SUV39H2: variants seen among roughly 807,000 people sequenced by gnomAD.
SUV39H2 encodes SUV39H2 histone lysine methyltransferase, also known as histone-lysine N-methyltransferase SUV39H2.
SUV39H2 carries 10 observed loss-of-function variants against 47.5 expected under a neutral mutation model. The observed-to-expected ratio is 0.21, with a 90% CI of 0.13 to 0.36. SUV39H2 has a LOEUF of 0.36. SUV39H2 is among the 10% of genes least tolerant of loss of function. The pLI is 1.00. For missense variants in SUV39H2, 266 were observed against 487.4 expected (o/e 0.55, Z 4.28); for synonymous variants, 159 against 166.8 (o/e 0.95, Z 0.36).
At chr10:14,880,281 C>T (rs1489678179) in intron 1 of SUV39H2, among the ~76,000 whole-genome samples, 3 of 152,126 alleles carry the variant, frequency 2.0e-5, no homozygotes, top group African/African-American at 7.2e-5. Flanking sequence ...TTAAGGGTTT[C>T]TGACAATGAA....
In SUV39H2 at chr10:14,879,587, TTGGGCACCGGGGAAC is replaced by T. The variant is rs1181534264; in HGVS notation, c.31+678_31+692del. Among the ~76,000 whole-genome samples, 6 of 152,030 alleles carry T rather than the reference TTGGGCACCGGGGAAC, an allele frequency of 3.9e-5. No individual in the cohort carries two copies. The East Asian group carries it at 5.8e-4, about 15-fold the overall frequency. On this transcript the variant is annotated intron_variant, in intron 1 of 5. Transcript: ENST00000354919. ...TGTTATTTCTGTGGACGCTGGGGAA[TTGGGCACCGGGGAAC>T]TGGGCACCGAGCGCGCGTGGGTGTG...
intron 2 of SUV39H2, among the ~76,000 whole-genome samples, chr10:14,896,005 G>T (rs1159867195): frequency 6.6e-6 from 1 of 150,934 alleles, no homozygotes; most frequent in Non-Finnish European, 1.5e-5. Flanking sequence ...GTGCAGTGGT[G>T]CAATCTTGGC....
At chr10:14,899,245 A>G (rs921682801) in intron 3 of SUV39H2, 2 of 702,172 alleles carry the variant, frequency 2.8e-6, no homozygotes, top group African/African-American at 3.5e-5. Flanking sequence ...GCTTGATCCC[A>G]GGAGTTAAAG....
At chr10:14,901,519 T>A (rs1834006969) in intron 5 of SUV39H2, among the ~76,000 whole-genome samples, 1 of 152,118 alleles carries the variant, frequency 6.6e-6, no homozygotes, top group South Asian at 2.1e-4. Flanking sequence ...TTATTTATTA[T>A]AGCATCTTAA....
At chr10:14,885,430 C>G (rs981330878) in intron 2 of SUV39H2, among the ~76,000 whole-genome samples, 1 of 152,140 alleles carries the variant, frequency 6.6e-6, no homozygotes, top group African/African-American at 2.4e-5. Context: ...ATCTCTATCT[C>G]TCTGTCCTTT....
chr10:14,884,543 G>A (rs1395821054), intron 2 of SUV39H2, among the ~76,000 whole-genome samples: 1 of 152,152 alleles, frequency 6.6e-6, no homozygotes, highest in African/African-American at 2.4e-5. Context: ...ACTTCATATA[G>A]TCTGGATACA....
chr10:14,897,211 C>T lies in SUV39H2; in HGVS notation c.543C>T (p.Ile181=). 1 of 1,613,878 alleles carries T rather than the reference C, an allele frequency of 6.2e-7. No individual in the cohort carries two copies. Among genetic ancestry groups the T allele is most frequent in the Non-Finnish European group, 8.5e-7 (1 of 1,180,032 alleles). ...YINEYKPAPG[I]SLVNEATFGC... ...ACGAATACAAACCAGCTCCTGGAATCAGCTTAGTCAATGAAGCTACCTTTG... is the reference window on the plus strand; with the variant it reads ...ACGAATACAAACCAGCTCCTGGAATTAGCTTAGTCAATGAAGCTACCTTTG... Residue 181 remains isoleucine (I), a synonymous_variant, in exon 3 of 6, where the codon ATC becomes ATT. Coordinates refer to ENST00000354919, the MANE Select transcript of SUV39H2 (RefSeq NM_001193424.2).
At chr10:14,899,751 A>G in intron 4 of SUV39H2, 66 bp downstream of exon 4, 1 of 1,550,298 alleles carries the variant, frequency 6.5e-7, no homozygotes, top group South Asian at 1.2e-5. Context: ...TTCCATAGCT[A>G]AAGAATAATT....
chr10:14,901,767 G>A (rs1834037653), intron 5 of SUV39H2, among the ~76,000 whole-genome samples: 1 of 151,744 alleles, frequency 6.6e-6, no homozygotes, highest in African/African-American at 2.4e-5. Context: ...GGAGGTTGGG[G>A]CTACAGTTGA....
Position 14,897,232 on chromosome 10 carries a change from C to T in SUV39H2, c.564C>T (p.Thr188=), listed in dbSNP as rs1424705990. 1 of 1,613,774 alleles carries T rather than the reference C, an allele frequency of 6.2e-7. No homozygotes were observed. The highest frequency in any genetic ancestry group is 1.3e-5 in the African/African-American group (1 of 74,928). ...APGISLVNEA[T]FGCSCTDCFF... ...GAATCAGCTTAGTCAATGAAGCTAC[C>T]TTTGGTTGTTCATGCACAGATTGCT... The change falls in exon 3 of 6, where the codon ACC becomes ACT. Residue 188 remains threonine, a synonymous_variant. Transcript: ENST00000354919.
chr10:14,888,431 T>G (rs1279141469), intron 2 of SUV39H2, among the ~76,000 whole-genome samples: 1 of 151,448 alleles, frequency 6.6e-6, no homozygotes, highest in African/African-American at 2.4e-5. Context: ...GTCAGGAGAT[T>G]GAGACCATCC....
chr10:14,899,461 C>A, intron 3 of SUV39H2, 78 bp from the exon 4 acceptor site: 1 of 1,453,420 alleles, frequency 6.9e-7, no homozygotes. Context: ...TGTAGGTATT[C>A]GCATATTAGT....
At chr10:14,892,466 T>C (rs1833418260) in intron 2 of SUV39H2, among the ~76,000 whole-genome samples, 1 of 152,360 alleles carries the variant, frequency 6.6e-6, no homozygotes, top group South Asian at 2.1e-4. Flanking sequence ...CACTATTTTT[T>C]AGATACTTCA....
At position 14,899,588 on chromosome 10, in the gene SUV39H2, A is replaced by G. The variant is rs1212027801; in HGVS notation, c.899A>G (p.Lys300Arg). Residue 300 changes from lysine to arginine, a missense_variant, in exon 4 of 6, where the codon AAG becomes AGG. Lys to Arg is a conservative substitution (Grantham distance 26). Coordinates refer to ENST00000354919, the MANE Select transcript of SUV39H2 (RefSeq NM_001193424.2). ...AERRGQFYDN[K>R]GITYLFDLDY... Reference sequence around the variant, plus strand: ...AGACGAGGACAGTTCTATGACAACAAGGGAATCACGTATCTCTTTGATCTG... The same window carrying G: ...AGACGAGGACAGTTCTATGACAACAGGGGAATCACGTATCTCTTTGATCTG... 1.9e-6 allele frequency: 3 copies of G among 1,614,104 alleles called. No homozygotes were observed. The highest frequency in any genetic ancestry group is 1.3e-5 in the African/African-American group (1 of 74,950).
intron 2 of SUV39H2, among the ~76,000 whole-genome samples, chr10:14,886,083 A>G (rs1023116640): frequency 6.6e-6 from 1 of 152,224 alleles, no homozygotes; most frequent in African/African-American, 2.4e-5. Context: ...AGATCATTTC[A>G]TTTAGCTAAG....
chr10:14,894,223 CT>C (rs753387560), intron 2 of SUV39H2, among the ~76,000 whole-genome samples: 5,338 of 132,696 alleles, frequency 0.04, 130 homozygotes, highest in Non-Finnish European at 0.042. Flanking sequence ...TACATCTAGG[CT>C]TTTTTTTTTT....
chr10:14,884,956 T>C (rs1833158457), intron 2 of SUV39H2, among the ~76,000 whole-genome samples: 1 of 152,210 alleles, frequency 6.6e-6, no homozygotes, highest in Non-Finnish European at 1.5e-5. Flanking sequence ...AGCGTGGTAA[T>C]TATACTATGT....
intron 2 of SUV39H2, among the ~76,000 whole-genome samples, chr10:14,884,080 C>T (rs932133590): frequency 7.2e-5 from 11 of 152,292 alleles, no homozygotes; most frequent in African/African-American, 1.9e-4. Context: ...TTCATCACTT[C>T]GTGGCCATTT....
In SUV39H2 at chr10:14,897,006, A is replaced by G; in HGVS notation, c.338A>G (p.Lys113Arg). The change falls in exon 3 of 6, where the codon AAA becomes AGA. Residue 113 changes from lysine to arginine, a missense_variant. By Grantham distance (26) the Lys-to-Arg change is conservative. Coordinates refer to ENST00000354919, the MANE Select transcript of SUV39H2 (RefSeq NM_001193424.2). ...QVKKGKAITP[K>R]DNNKTLKPAI... ...AAGAAAGGCAAAGCAATAACTCCAAAAGACAATAACAAAACTTTGAAACCT... is the reference window on the plus strand; with the variant it reads ...AAGAAAGGCAAAGCAATAACTCCAAGAGACAATAACAAAACTTTGAAACCT... The G allele has an allele frequency of 6.2e-7, 1 of 1,614,160 alleles. No homozygotes were observed. Among genetic ancestry groups the G allele is most frequent in the Non-Finnish European group, 8.5e-7 (1 of 1,180,040 alleles).
Sources: gnomAD v4.1 joint callset for allele counts (sites outside exome capture counted in the v4.1 genomes callset) on GRCh38, gnomAD v4.1.1 for gene constraint, MANE v1.5 for transcripts, NCBI Gene and HGNC (gene_info 2026-07-23, HGNC 2026-07-21) for gene names.